The following ZNF69 variants were observed in gnomAD, a reference collection of about 807,000 sequenced individuals.
ZNF69 encodes zinc finger protein 69.
Under a neutral mutation model 50.9 loss-of-function variants are expected in ZNF69, and 47 were observed. The ratio of observed to expected loss-of-function variants is 0.92; its 90% confidence interval spans 0.73 to 1.18. The LOEUF (loss-of-function observed/expected upper bound fraction) is 1.18. Among genes scored for constraint, ZNF69 ranks in the 50% most tolerant of loss-of-function variants. The pLI is 0.00. For missense variants in ZNF69, 717 were observed against 675.1 expected (o/e 1.06, Z -0.69); for synonymous variants, 216 against 223.1 (o/e 0.97, Z 0.29).
chr19:11,977,922 C>G, the ZNF69 span, among the ~76,000 whole-genome samples: 1 of 150,914 alleles, frequency 6.6e-6, no homozygotes, highest in Admixed American at 6.6e-5. Context: ...GTATTAAGCC[C>G]CTTATGAGTA....
the ZNF69 span, among the ~76,000 whole-genome samples, chr19:11,955,771 T>G: frequency 6.6e-6 from 1 of 152,146 alleles, no homozygotes; most frequent in Non-Finnish European, 1.5e-5. Context: ...CCTTTGCAGG[T>G]TGGAGAACTT....
At position 11,900,369 on chromosome 19, in the gene ZNF69, T is replaced by C. The variant is rs1210902780; in HGVS notation, c.64-3204T>C. On this transcript the variant is annotated intron_variant, in intron 1 of 3. Coordinates refer to ENST00000429654, the MANE Select transcript of ZNF69 (RefSeq NM_001364730.1). Reference sequence around the variant, plus strand: ...TGGAAAGATTGGGCTTTTTTTTTTTTTGAGACTGAGTCTGGCTCTGTCACC... The same window carrying C: ...TGGAAAGATTGGGCTTTTTTTTTTTCTGAGACTGAGTCTGGCTCTGTCACC... 4.6e-5 allele frequency among the ~76,000 whole-genome samples: 7 copies of C among 152,102 alleles called. No homozygotes were observed. The East Asian group carries it at 1.2e-3, about 25-fold the overall frequency.
At position 11,906,455 on chromosome 19, in the gene ZNF69, G is replaced by A. The variant is rs140551064; in HGVS notation, c.*357G>A. On this transcript the variant is annotated 3_prime_UTR_variant, in exon 4 of 4. Transcript: ENST00000429654. ...GGGCCAACTGACACCTCATACGGCC[G>A]TGTGCCCCTCTGTGACGAAGCTTCC... Among the ~76,000 whole-genome samples, 50 of 152,260 alleles carry A rather than the reference G, an allele frequency of 3.3e-4. No individual in the cohort carries two copies. Among genetic ancestry groups the A allele is most frequent in the African/African-American group, 1.1e-3 (45 of 41,550 alleles).
At chr19:11,962,964 G>T in the ZNF69 span, among the ~76,000 whole-genome samples, 1 of 152,192 alleles carries the variant, frequency 6.6e-6, no homozygotes, top group African/African-American at 2.4e-5. Flanking sequence ...TCCTCAGTAG[G>T]CCAAGCCTCT....
the ZNF69 span, among the ~76,000 whole-genome samples, chr19:11,975,406 A>T: frequency 3.0e-5 from 4 of 134,430 alleles, no homozygotes; most frequent in African/African-American, 1.1e-4. Flanking sequence ...TTATTTTATT[A>T]TTATTTTTTG....
At chr19:11,933,000 G>A in the ZNF69 span, among the ~76,000 whole-genome samples, 2 of 148,598 alleles carry the variant, frequency 1.3e-5, no homozygotes, top group Admixed American at 1.3e-4. Flanking sequence ...TGGAATGATA[G>A]TTAATTCACT....
chr19:11,888,865 C>T (rs974671014), intron 1 of ZNF69, among the ~76,000 whole-genome samples: 6 of 152,048 alleles, frequency 3.9e-5, no homozygotes, highest in Non-Finnish European at 7.4e-5. Flanking sequence ...CCCAGCTACT[C>T]GGGAGGCTGA....
chr19:11,971,778 T>C, the ZNF69 span, among the ~76,000 whole-genome samples: 1 of 152,160 alleles, frequency 6.6e-6, no homozygotes, highest in Non-Finnish European at 1.5e-5. Flanking sequence ...TAATAGAAAT[T>C]TGTGGCCGGG....
intron 1 of ZNF69, among the ~76,000 whole-genome samples, chr19:11,891,686 T>C (rs1219451532): frequency 6.6e-6 from 1 of 152,194 alleles, no homozygotes; most frequent in Non-Finnish European, 1.5e-5. Context: ...TATAATTATC[T>C]TGAAAGCACA....
At chr19:11,896,700 T>C (rs1972129915) in intron 1 of ZNF69, among the ~76,000 whole-genome samples, 1 of 152,202 alleles carries the variant, frequency 6.6e-6, no homozygotes, top group Non-Finnish European at 1.5e-5. Flanking sequence ...AGGTTATTAA[T>C]GTGTGATTTT....
chr19:11,968,610 A>T, the ZNF69 span, among the ~76,000 whole-genome samples: 1 of 152,140 alleles, frequency 6.6e-6, no homozygotes, highest in African/African-American at 2.4e-5. Flanking sequence ...TAGCTGGTTT[A>T]TATTTCCTTT....
chr19:11,968,653 T>C, the ZNF69 span, among the ~76,000 whole-genome samples: 4 of 152,190 alleles, frequency 2.6e-5, no homozygotes, highest in Non-Finnish European at 2.9e-5. Context: ...ATATTCTAGC[T>C]GAAGACAACA....
the ZNF69 span, chr19:11,977,501 G>C: frequency 1.3e-5 from 20 of 1,544,144 alleles, no homozygotes; most frequent in Non-Finnish European, 1.8e-5. Context: ...TTGAAGAGAA[G>C]TAAAACAAAG....
chr19:11,978,991 G>A, the ZNF69 span: 46 of 1,614,156 alleles, frequency 2.8e-5, no homozygotes, highest in African/African-American at 1.9e-4. Flanking sequence ...AGTTCCCTTC[G>A]TAGACATGAA....
At chr19:11,978,464 C>T in the ZNF69 span, 2 of 1,614,144 alleles carry the variant, frequency 1.2e-6, no homozygotes, top group Non-Finnish European at 1.7e-6. Flanking sequence ...GTGGAAAAAC[C>T]TTTATTTCCC....
At chr19:11,902,228 C>T (rs774660268) in intron 1 of ZNF69, among the ~76,000 whole-genome samples, 28 of 152,132 alleles carry the variant, frequency 1.8e-4, no homozygotes, top group Non-Finnish European at 2.2e-4. Flanking sequence ...GTGATCTGCC[C>T]GCCTCAGTCT....
At chr19:11,909,882 TC>T (rs1031093016), downstream of ZNF69, among the ~76,000 whole-genome samples, 4 of 150,930 alleles carry the variant, frequency 2.7e-5, no homozygotes, top group Admixed American at 2.6e-4. Flanking sequence ...AGTCAAATTG[TC>T]CCTGTTTGCA....
rs3810314 is a variant in ZNF69, at chr19:11,887,962, C to T, written c.39C>T (p.Pro13=). The T allele has an allele frequency of 0.035, 56,463 of 1,611,838 alleles. 3,987 individuals are homozygous for T. The highest frequency in any genetic ancestry group is 0.3 in the African/African-American group (22,093 of 74,828). The part of the protein sequence containing the change: ...CCSHRRCRED[P]GTSESQEMDP... ...GTCACAGGAGGTGTAGAGAGGACCC[C>T]GGGACATCTGAAAGCCAGGAAATGG... Residue 13 remains proline (P), a synonymous_variant, in exon 1 of 4, where the codon CCC becomes CCT. Transcript: ENST00000429654.
the ZNF69 span, among the ~76,000 whole-genome samples, chr19:11,956,921 T>C: frequency 3.3e-5 from 5 of 152,004 alleles, no homozygotes; most frequent in African/African-American, 1.2e-4. Flanking sequence ...GCTGCTCAAA[T>C]TGACCATGGG....
Sources: gnomAD v4.1 joint callset for allele counts (sites outside exome capture counted in the v4.1 genomes callset) on GRCh38, gnomAD v4.1.1 for gene constraint, MANE v1.5 for transcripts, NCBI Gene and HGNC (gene_info 2026-07-23, HGNC 2026-07-21) for gene names.